C17orf67: variants seen among roughly 807,000 people sequenced by gnomAD.
The protein encoded by C17orf67 is chromosome 17 open reading frame 67.
In C17orf67, 12 loss-of-function variants were observed where a neutral mutation model predicts 11.2. That is an observed-to-expected ratio of 1.07 (90% confidence interval 0.68 to 1.73). The LOEUF (loss-of-function observed/expected upper bound fraction) is 1.73. Ranked by LOEUF, C17orf67 falls within the 40% of genes most tolerant of loss-of-function variation. The pLI is 0.00. For synonymous variants in C17orf67, 59 were observed against 46.9 expected, an observed-to-expected ratio of 1.26 and a Z score of -1.05; for missense variants, 115 against 113.5, an observed-to-expected ratio of 1.01 and a Z score of -0.06.
chr17:56,822,588 ATTG>A (rs944857062), intron 4 of C17orf67, among the ~76,000 whole-genome samples: 1 of 152,250 alleles, frequency 6.6e-6, no homozygotes, highest in East Asian at 1.9e-4. Flanking sequence ...CTTGGAGATC[ATTG>A]TTATTATTTC....
Position 56,795,101 on chromosome 17 carries a change from T to G in C17orf67, c.236A>C (p.Lys79Thr). The change falls in exon 7 of 8, where the codon AAA (lysine) becomes ACA (threonine). Residue 79 changes from lysine (K) to threonine (T), a missense_variant. Lys to Thr is a moderately conservative substitution (Grantham distance 78). Coordinates refer to ENST00000397861, the MANE Select transcript of C17orf67 (RefSeq NM_001085430.4). The stretch of plus-strand genomic sequence containing the variant: ...AATCCTGTTCCTGTCACAGTGGGGT[T>G]TGCAGTGAGGGTTCAGCCAGTGCTC... The part of the protein sequence containing the change: ...FLEHWLNPHC[K>T]PHCDRNRIHP... The G allele has an allele frequency of 6.2e-7, 1 of 1,614,088 alleles. No homozygotes were observed. Among genetic ancestry groups the G allele is most frequent in the Non-Finnish European group, 8.5e-7 (1 of 1,179,978 alleles).
chr17:56,800,301 G>A (rs1377247996), intron 6 of C17orf67, among the ~76,000 whole-genome samples: 6 of 152,192 alleles, frequency 3.9e-5, no homozygotes, highest in East Asian at 1.9e-4. Context: ...TCCTGACCTC[G>A]TGATCCACCC....
chr17:56,826,384 T>C (rs538040373), intron 2 of C17orf67, among the ~76,000 whole-genome samples: 360 of 152,326 alleles, frequency 2.4e-3, no homozygotes, highest in African/African-American at 7.1e-3. Flanking sequence ...AAGCAGAAGT[T>C]ATGCTTTAGA....
At chr17:56,825,462 C>T (rs1906002980) in intron 2 of C17orf67, 141 bp from the exon 3 acceptor site, 2 of 152,194 alleles carry the variant, frequency 1.3e-5, no homozygotes, top group Middle Eastern at 3.4e-3. Context: ...TTAATCTGTC[C>T]CTACACAGGT....
intron 2 of C17orf67, among the ~76,000 whole-genome samples, chr17:56,831,929 G>C (rs1386371997): frequency 6.6e-6 from 1 of 151,952 alleles, no homozygotes; most frequent in African/African-American, 2.4e-5. Flanking sequence ...ATATCAAAAC[G>C]CTTAAACACA....
In C17orf67 at chr17:56,833,127, G is replaced by A. The variant is rs988532435; in HGVS notation, c.-786C>T. 2.6e-5 allele frequency: 4 copies of A among 152,302 alleles called. No homozygotes were observed. Among genetic ancestry groups the A allele is most frequent in the African/African-American group, 7.2e-5 (3 of 41,466 alleles). The allele number at this position is 152,302 out of a possible 1,614,324, so 9.4% of individuals were successfully genotyped here. A position where few individuals can be genotyped will look rare whatever the true frequency, so the allele number is the denominator to read the frequency against. ...CCACTCCTATGTATGTATGTAGTAG[G>A]AAGGAAGCCGCTGAGTGCAGCTGTG... On this transcript the variant is annotated 5_prime_UTR_variant, in exon 2 of 8. Transcript: ENST00000397861.
At chr17:56,816,490 T>C (rs1171651154) in intron 4 of C17orf67, among the ~76,000 whole-genome samples, 2 of 152,234 alleles carry the variant, frequency 1.3e-5, no homozygotes, top group Non-Finnish European at 2.9e-5. Flanking sequence ...ATGACCTTCA[T>C]GGCAGCTAGT....
chr17:56,822,482 T>A (rs967054558), intron 4 of C17orf67, among the ~76,000 whole-genome samples: 10 of 152,076 alleles, frequency 6.6e-5, no homozygotes, highest in Non-Finnish European at 1.2e-4. Flanking sequence ...GTTTTCTCAC[T>A]TATAAAAAAA....
chr17:56,792,250 C>T lies in C17orf67; in HGVS notation c.*123G>A, dbSNP rs1905117116. The T allele has an allele frequency of 6.6e-6, 1 of 152,248 alleles. No homozygotes were observed. The highest frequency in any genetic ancestry group is 2.1e-4 in the South Asian group (1 of 4,832). 9.4% of individuals were successfully genotyped at this position (152,248 alleles called of 1,614,324 possible). A position where few individuals can be genotyped will look rare whatever the true frequency, so the allele number is the denominator to read the frequency against. Reference sequence around the variant, plus strand: ...GGCAATCTTTGATATGCCCACAGTTCACGAGGTCTGAAGACATCCATTTCT... The same window carrying T: ...GGCAATCTTTGATATGCCCACAGTTTACGAGGTCTGAAGACATCCATTTCT... On this transcript the variant is annotated 3_prime_UTR_variant, in exon 8 of 8. Coordinates refer to ENST00000397861, the MANE Select transcript of C17orf67 (RefSeq NM_001085430.4).
intron 6 of C17orf67, among the ~76,000 whole-genome samples, chr17:56,807,357 G>T (rs1293362645): frequency 6.6e-6 from 1 of 152,198 alleles, no homozygotes; most frequent in Non-Finnish European, 1.5e-5. Flanking sequence ...AGGATGCCAG[G>T]AGCAGAGATG....
chr17:56,820,233 C>T (rs183986259), intron 4 of C17orf67, among the ~76,000 whole-genome samples: 1 of 152,188 alleles, frequency 6.6e-6, no homozygotes, highest in Non-Finnish European at 1.5e-5. Flanking sequence ...TAAATAAGGA[C>T]CCAAAACATT....
chr17:56,795,483 T>C (rs1870097692), intron 6 of C17orf67, among the ~76,000 whole-genome samples: 1 of 152,212 alleles, frequency 6.6e-6, no homozygotes, highest in African/African-American at 2.4e-5. Flanking sequence ...TCCTACTTTA[T>C]ACCCTAGCGC....
chr17:56,813,342 A>C (rs1597994436), intron 6 of C17orf67, among the ~76,000 whole-genome samples: 14 of 127,138 alleles, frequency 1.1e-4, no homozygotes, highest in East Asian at 2.2e-4. Context: ...TGCCACCCCC[A>C]CTCTCTTGGC....
At chr17:56,817,667 C>G (rs1356028049) in intron 4 of C17orf67, among the ~76,000 whole-genome samples, 2 of 151,528 alleles carry the variant, frequency 1.3e-5, no homozygotes, top group African/African-American at 4.8e-5. Context: ...GTTAGCCAGG[C>G]TGGTCTCAAA....
intron 6 of C17orf67, among the ~76,000 whole-genome samples, chr17:56,799,044 A>T (rs559060492): frequency 6.6e-6 from 1 of 152,270 alleles, no homozygotes; most frequent in South Asian, 2.1e-4. Flanking sequence ...AAACTCCCTC[A>T]TTACCGCTAT....
intron 2 of C17orf67, among the ~76,000 whole-genome samples, chr17:56,832,513 C>A (rs963571723): frequency 6.6e-6 from 1 of 152,218 alleles, no homozygotes; most frequent in African/African-American, 2.4e-5. Flanking sequence ...ATTCCTCCAA[C>A]ATGCAATCAC....
At chr17:56,818,417 T>C (rs1162746787) in intron 4 of C17orf67, among the ~76,000 whole-genome samples, 1 of 152,144 alleles carries the variant, frequency 6.6e-6, no homozygotes, top group Non-Finnish European at 1.5e-5. Flanking sequence ...CTTAACACTT[T>C]GGGATTCCAA....
chr17:56,830,414 T>C (rs1403632474), intron 2 of C17orf67, among the ~76,000 whole-genome samples: 1 of 151,852 alleles, frequency 6.6e-6, no homozygotes, highest in Non-Finnish European at 1.5e-5. Context: ...TAAAAGGGAA[T>C]GTTTAAAGAG....
chr17:56,805,127 T>A (rs957054064), intron 6 of C17orf67, among the ~76,000 whole-genome samples: 3 of 151,974 alleles, frequency 2.0e-5, no homozygotes, highest in African/African-American at 7.3e-5. Context: ...CATAAAAGAG[T>A]CAAAAATAGC....
Sources: allele counts gnomAD v4.1 joint callset (sites outside exome capture counted in the v4.1 genomes callset), GRCh38; gene constraint gnomAD v4.1.1; transcripts MANE v1.5; gene names NCBI Gene and HGNC (gene_info 2026-07-23, HGNC 2026-07-21).